The following BTLA variants were observed in gnomAD, a reference collection of about 807,000 sequenced individuals.
The protein encoded by BTLA is B and T lymphocyte associated.
In BTLA, 11 loss-of-function variants were observed where a neutral mutation model predicts 25.0. The observed-to-expected ratio is 0.44, with a 90% CI of 0.28 to 0.73. The LOEUF (loss-of-function observed/expected upper bound fraction) is 0.73. BTLA is among the 30% of genes least tolerant of loss of function. The pLI is 0.15. For missense variants in BTLA, 282 were observed against 332.8 expected (o/e 0.85, Z 1.19); for synonymous variants, 104 against 119.8 (o/e 0.87, Z 0.86).
chr3:112,474,327 G>A (rs965166020), intron 2 of BTLA, among the ~76,000 whole-genome samples: 5 of 151,914 alleles, frequency 3.3e-5, no homozygotes, highest in African/African-American at 1.2e-4. Flanking sequence ...TTAGTTCACT[G>A]AGCACTTTCA....
chr3:112,480,659 G>A (rs1027007189), intron 1 of BTLA, among the ~76,000 whole-genome samples: 1 of 152,122 alleles, frequency 6.6e-6, no homozygotes, highest in African/African-American at 2.4e-5. Flanking sequence ...CCGTGATAAC[G>A]AATCCATTCC....
At position 112,466,390 on chromosome 3, in the gene BTLA, T is replaced by A. The variant is rs1238353948; in HGVS notation, c.595-7A>T. On this transcript the variant is annotated splice_polypyrimidine_tract_variant and splice_region_variant and intron_variant, in intron 4 of 4. Coordinates refer to ENST00000334529, the MANE Select transcript of BTLA (RefSeq NM_181780.4). The stretch of plus-strand genomic sequence containing the variant: ...TCTTAAGGTGAGCATCAACCTACAA[T>A]AGAAAAAAAGATGGTTTTAAGTGAC... 2 of 1,556,726 alleles carry A rather than the reference T, an allele frequency of 1.3e-6. No homozygotes were observed. Among genetic ancestry groups the A allele is most frequent in the Admixed American group, 1.9e-5 (1 of 51,886 alleles).
chr3:112,478,508 A>C (rs1302894310), intron 2 of BTLA, among the ~76,000 whole-genome samples: 1 of 152,150 alleles, frequency 6.6e-6, no homozygotes, highest in African/African-American at 2.4e-5. Context: ...TTCATGTATT[A>C]GCTTTAATAG....
intron 4 of BTLA, among the ~76,000 whole-genome samples, chr3:112,467,370 G>T (rs1174669512): frequency 6.6e-6 from 1 of 152,180 alleles, no homozygotes; most frequent in Non-Finnish European, 1.5e-5. Flanking sequence ...TCACTCTTCA[G>T]TTATTTATTA....
In BTLA at chr3:112,464,709, A is replaced by C. The variant is rs1057066556; in HGVS notation, c.*1399T>G. ...TTTTCTTTAATGACCCATTTACTCT[A>C]GTATTTTGAGCTTCATAAGCAAACT... On this transcript the variant is annotated 3_prime_UTR_variant, in exon 5 of 5. Transcript: ENST00000334529. The C allele has an allele frequency of 2.6e-5, 4 of 152,114 alleles. No individual in the cohort carries two copies. Among genetic ancestry groups the C allele is most frequent in the African/African-American group, 9.7e-5 (4 of 41,408 alleles). The allele number at this position is 152,114 out of a possible 1,614,324, so 9.4% of individuals were successfully genotyped here. A position where few individuals can be genotyped will look rare whatever the true frequency, so the allele number is the denominator to read the frequency against.
At chr3:112,498,103 T>C (rs1050323195) in intron 1 of BTLA, among the ~76,000 whole-genome samples, 1 of 152,172 alleles carries the variant, frequency 6.6e-6, no homozygotes, top group South Asian at 2.1e-4. Context: ...AATCTATCAC[T>C]ACTTCTTGCG....
At chr3:112,469,849 A>G (rs746196182) in intron 3 of BTLA, 45 bp from the exon 4 acceptor site, 4 of 1,525,346 alleles carry the variant, frequency 2.6e-6, no homozygotes, top group African/African-American at 2.8e-5. Context: ...GAGTAAAGAA[A>G]GCAGAAGTAA....
At chr3:112,493,104 T>C (rs779448474) in intron 1 of BTLA, among the ~76,000 whole-genome samples, 1 of 152,164 alleles carries the variant, frequency 6.6e-6, no homozygotes, top group Non-Finnish European at 1.5e-5. Flanking sequence ...GTACAAAATA[T>C]TGAGCTTATT....
In BTLA at chr3:112,471,354, A is replaced by G; in HGVS notation, c.405T>C (p.Asp135=). The change falls in exon 3 of 5, where the codon GAT becomes GAC. Residue 135 remains aspartate (D), a splice_region_variant and synonymous_variant. Coordinates refer to ENST00000334529, the MANE Select transcript of BTLA (RefSeq NM_181780.4). ...ESHSTTLYVT[D]VKSASERPSK... is the part of the protein sequence containing the mutation. ...AGGGTCGTTCTGAGGCACTTTTTAC[A>G]TCTGGAATGTTAGTAAATGCTAAAG... 1.2e-6 allele frequency: 2 copies of G among 1,613,454 alleles called. No homozygotes were observed. The highest frequency in any genetic ancestry group is 8.5e-7 in the Non-Finnish European group (1 of 1,179,566).
intron 1 of BTLA, among the ~76,000 whole-genome samples, chr3:112,482,481 T>C (rs1210305301): frequency 2.0e-5 from 3 of 152,202 alleles, no homozygotes; most frequent in Non-Finnish European, 4.4e-5. Context: ...TTCTACACCC[T>C]TGCCAGCATA....
rs191497873 is a variant in BTLA at position 112,488,464 on chromosome 3, C to T, written c.89-8695G>A. On this transcript the variant is annotated intron_variant, in intron 1 of 4. Transcript: ENST00000334529. ...GTCTCGATCTCCTGACCTCGTGATC[C>T]GCCCGCCTCGGGCTCCCAAAGTGCT... 4.6e-5 allele frequency among the ~76,000 whole-genome samples: 7 copies of T among 152,252 alleles called. No individual in the cohort carries two copies. The East Asian group carries it at 1.2e-3, about 25-fold the overall frequency.
intron 4 of BTLA, among the ~76,000 whole-genome samples, chr3:112,468,752 A>C (rs1472933095): frequency 6.6e-6 from 1 of 152,122 alleles, no homozygotes; most frequent in Non-Finnish European, 1.5e-5. Flanking sequence ...TATTTAAGAA[A>C]ATTTCCCTAT....
At chr3:112,490,340 T>A (rs890817806) in intron 1 of BTLA, among the ~76,000 whole-genome samples, 4 of 152,214 alleles carry the variant, frequency 2.6e-5, no homozygotes, top group Non-Finnish European at 5.9e-5. Context: ...GAGCTTCTTT[T>A]GTAAAAGTGA....
upstream of BTLA, chr3:112,499,578 C>G (rs2082431303): frequency 2.2e-6 from 1 of 458,308 alleles, no homozygotes; most frequent in South Asian, 5.0e-5. Flanking sequence ...GTACTCTGTT[C>G]TGTGGTTTTT....
Position 112,465,609 on chromosome 3 carries a change from G to C in BTLA, c.*499C>G, listed in dbSNP as rs140583166. 2.0e-5 allele frequency: 3 copies of C among 152,660 alleles called. No individual in the cohort carries two copies. The highest frequency in any genetic ancestry group is 4.4e-5 in the Non-Finnish European group (3 of 68,068). 9.5% of individuals were successfully genotyped at this position (152,660 alleles called of 1,614,324 possible). A position where few individuals can be genotyped will look rare whatever the true frequency, so the allele number is the denominator to read the frequency against. On this transcript the variant is annotated 3_prime_UTR_variant, in exon 5 of 5. Coordinates refer to ENST00000334529, the MANE Select transcript of BTLA (RefSeq NM_181780.4). Reference sequence around the variant, plus strand: ...AAAATGATTTCTCCTTTGCATTTAAGAAACACCATTCTTAGACTGACACAG... The same window carrying C: ...AAAATGATTTCTCCTTTGCATTTAACAAACACCATTCTTAGACTGACACAG...
At chr3:112,484,359 A>G (rs1194136172) in intron 1 of BTLA, among the ~76,000 whole-genome samples, 1 of 152,248 alleles carries the variant, frequency 6.6e-6, no homozygotes, top group Non-Finnish European at 1.5e-5. Context: ...GGAAATAGCT[A>G]CAAATGAGAC....
intron 2 of BTLA, among the ~76,000 whole-genome samples, chr3:112,473,625 T>C (rs530505207): frequency 6.9e-6 from 1 of 144,934 alleles, no homozygotes; most frequent in South Asian, 2.3e-4. Flanking sequence ...TTTTTTTTTT[T>C]TTTTTTTGAG....
intron 2 of BTLA, 76 bp downstream of exon 2, chr3:112,479,379 C>T: frequency 2.9e-6 from 4 of 1,402,238 alleles, no homozygotes; most frequent in South Asian, 1.4e-5. Flanking sequence ...AACATAATCA[C>T]TTGAGAAACT....
At chr3:112,467,473 G>T (rs2082236625) in intron 4 of BTLA, among the ~76,000 whole-genome samples, 1 of 152,144 alleles carries the variant, frequency 6.6e-6, no homozygotes, top group African/African-American at 2.4e-5. Flanking sequence ...TTTGCCCATC[G>T]ATTTCCGTTC....
Sources: gnomAD v4.1 joint callset for allele counts (sites outside exome capture counted in the v4.1 genomes callset) on GRCh38, gnomAD v4.1.1 for gene constraint, MANE v1.5 for transcripts, NCBI Gene and HGNC (gene_info 2026-07-23, HGNC 2026-07-21) for gene names.